Variants in ITCH observed in about 807,000 individuals in gnomAD.
ITCH encodes E3 ubiquitin-protein ligase Itchy homolog.
Under a neutral mutation model 126.8 loss-of-function variants are expected in ITCH, and 28 were observed. The ratio of observed to expected loss-of-function variants is 0.22; its 90% CI spans 0.16 to 0.30. ITCH has a LOEUF of 0.30. Among genes scored for constraint, ITCH ranks in the 10% least tolerant of loss-of-function variants. The pLI, the probability that ITCH is intolerant of heterozygous loss-of-function variation, is 1.00. For missense variants in ITCH, 631 were observed against 1,032.4 expected, an observed-to-expected ratio of 0.61 and a Z score of 5.33; for synonymous variants, 342 against 340.0, an observed-to-expected ratio of 1.01 and a Z score of -0.06.
chr20:34,392,839 G>A (rs1463087362), intron 2 of ITCH, among the ~76,000 whole-genome samples: 1 of 152,150 alleles, frequency 6.6e-6, no homozygotes, highest in East Asian at 1.9e-4. Flanking sequence ...AGTGGTCCCA[G>A]CTACTCAGGA....
In ITCH at chr20:34,394,690, T is replaced by C. The variant is rs374455598; in HGVS notation, c.70+809T>C. Among the ~76,000 whole-genome samples, 48 of 152,114 alleles carry C rather than the reference T, an allele frequency of 3.2e-4. No individual in the cohort carries two copies. The East Asian group carries it at 9.1e-3, about 29-fold the overall frequency. On this transcript the variant is annotated intron_variant, in intron 3 of 24. Transcript: ENST00000374864. ...AAGGCGTACATCTTATTAGCATGCA[T>C]GGGTAGGGGTGGGATGGATCACAGA...
At chr20:34,496,857 GC>G (rs540303563) in intron 23 of ITCH, among the ~76,000 whole-genome samples, 97 of 151,240 alleles carry the variant, frequency 6.4e-4, no homozygotes, top group Non-Finnish European at 1.3e-3. Context: ...TCAGACCTGT[GC>G]CCTGAAGCAT....
At position 34,510,157 on chromosome 20, in the gene ITCH, C is replaced by T. The variant is rs1978616647; in HGVS notation, c.*2363C>T. ...ATTTTTGCAGCCTGGGATCTCCCTA[C>T]TCCATTTTTTCCTTTAATTTAAGTG... On this transcript the variant is annotated 3_prime_UTR_variant, in exon 25 of 25. Coordinates refer to ENST00000374864, the MANE Select transcript of ITCH (RefSeq NM_031483.7). 1 of 152,568 alleles carries T rather than the reference C, an allele frequency of 6.6e-6. No homozygotes were observed. Among genetic ancestry groups the T allele is most frequent in the East Asian group, 1.9e-4 (1 of 5,204 alleles). The allele number at this position is 152,568 out of a possible 1,614,324, so 9.5% of individuals were successfully genotyped here. A position where few individuals can be genotyped will look rare whatever the true frequency, so the allele number is the denominator to read the frequency against.
At chr20:34,426,614 G>A (rs373009495) in intron 7 of ITCH, among the ~76,000 whole-genome samples, 5 of 148,960 alleles carry the variant, frequency 3.4e-5, no homozygotes, top group African/African-American at 4.9e-5. Flanking sequence ...CACCATGCCC[G>A]GCTGTTTGTA....
chr20:34,405,379 C>G (rs1354080674), intron 3 of ITCH, among the ~76,000 whole-genome samples: 1 of 152,086 alleles, frequency 6.6e-6, no homozygotes, highest in Non-Finnish European at 1.5e-5. Flanking sequence ...GCGGCGCGTG[C>G]CTATAACCCC....
At chr20:34,388,986 T>C (rs955887285) in intron 2 of ITCH, among the ~76,000 whole-genome samples, 1 of 152,200 alleles carries the variant, frequency 6.6e-6, no homozygotes, top group Non-Finnish European at 1.5e-5. Context: ...AGACCCATAA[T>C]ATAAATACAA....
chr20:34,507,504 G>A (rs1317447521), intron 24 of ITCH, among the ~76,000 whole-genome samples, 191 bp from the exon 25 acceptor site: 1 of 151,598 alleles, frequency 6.6e-6, no homozygotes, highest in Admixed American at 6.6e-5. Flanking sequence ...TTGGATACCA[G>A]TCCTTTATCA....
At chr20:34,415,241 C>G (rs1979661250) in intron 6 of ITCH, among the ~76,000 whole-genome samples, 1 of 152,094 alleles carries the variant, frequency 6.6e-6, no homozygotes, top group African/African-American at 2.4e-5. Context: ...TTCCTACTTC[C>G]TCTTTGACTC....
chr20:34,434,269 C>T (rs937632510), intron 7 of ITCH, among the ~76,000 whole-genome samples: 2 of 150,970 alleles, frequency 1.3e-5, no homozygotes, highest in Non-Finnish European at 3.0e-5. Flanking sequence ...GGTTGTGCCA[C>T]GGCACTCCAG....
In ITCH at chr20:34,510,038, T is replaced by G. The variant is rs996848672; in HGVS notation, c.*2244T>G. ...TTTTAAAATACAGAATAGTTATATT[T>G]GAAGTAGCCCTGGCCCTAGTTCTAT... On this transcript the variant is annotated 3_prime_UTR_variant, in exon 25 of 25. Transcript: ENST00000374864. 1 of 152,650 alleles carries G rather than the reference T, an allele frequency of 6.6e-6. No homozygotes were observed. The highest frequency in any genetic ancestry group is 2.4e-5 in the African/African-American group (1 of 41,454). 9.5% of individuals were successfully genotyped at this position (152,650 alleles called of 1,614,324 possible).
intron 12 of ITCH, among the ~76,000 whole-genome samples, chr20:34,451,643 C>T (rs138880679): frequency 6.6e-6 from 1 of 152,118 alleles, no homozygotes; most frequent in African/African-American, 2.4e-5. Flanking sequence ...AGATTGCATT[C>T]CCAGACATGG....
chr20:34,469,640 A>C (rs1338319665), intron 14 of ITCH, among the ~76,000 whole-genome samples: 1 of 152,136 alleles, frequency 6.6e-6, no homozygotes, highest in Non-Finnish European at 1.5e-5. Context: ...TTAGAGACTT[A>C]AGTCACATGG....
At chr20:34,412,927 G>A (rs1247291892) in intron 5 of ITCH, among the ~76,000 whole-genome samples, 1 of 151,250 alleles carries the variant, frequency 6.6e-6, no homozygotes, top group Non-Finnish European at 1.5e-5. Context: ...ATAGAGCAGA[G>A]ATGAAAGAAA....
At chr20:34,464,224 G>A (rs570042934) in intron 14 of ITCH, among the ~76,000 whole-genome samples, 30 of 149,914 alleles carry the variant, frequency 2.0e-4, no homozygotes, top group Admixed American at 2.7e-4. Context: ...TCCTGACCTC[G>A]TGATCCACCC....
chr20:34,377,238 G>T (rs1232414872), intron 2 of ITCH, among the ~76,000 whole-genome samples: 1 of 152,138 alleles, frequency 6.6e-6, no homozygotes, highest in Admixed American at 6.6e-5. Context: ...GCCGGGTGTG[G>T]TGTTACACTC....
intron 1 of ITCH, among the ~76,000 whole-genome samples, chr20:34,364,274 ATCT>A (rs1255189317): frequency 1.3e-5 from 2 of 152,098 alleles, no homozygotes; most frequent in East Asian, 3.9e-4. Flanking sequence ...TCGTATCCTA[ATCT>A]TATTACATTT....
chr20:34,455,469 T>A lies in ITCH; in HGVS notation c.1211-1921T>A, dbSNP rs900551964. 2.6e-5 allele frequency among the ~76,000 whole-genome samples: 4 copies of A among 151,518 alleles called. No individual in the cohort carries two copies. The East Asian group carries it at 7.7e-4, about 29-fold the overall frequency. ...TTGTTTACTAAAAGAGAAAATGATATCCACATTTTTTTTTTTTTTTTGAGA... is the reference window on the plus strand; with the variant it reads ...TTGTTTACTAAAAGAGAAAATGATAACCACATTTTTTTTTTTTTTTTGAGA... On this transcript the variant is annotated intron_variant, in intron 12 of 24. Coordinates refer to ENST00000374864, the MANE Select transcript of ITCH (RefSeq NM_031483.7).
intron 20 of ITCH, among the ~76,000 whole-genome samples, chr20:34,482,934 A>G (rs1014029008): frequency 3.9e-5 from 6 of 152,114 alleles, no homozygotes; most frequent in Admixed American, 1.3e-4. Context: ...CCAAGCCTCA[A>G]TTTTTGCCTT....
intron 2 of ITCH, among the ~76,000 whole-genome samples, chr20:34,386,960 A>C (rs2038305403): frequency 6.6e-6 from 1 of 152,246 alleles, no homozygotes; most frequent in African/African-American, 2.4e-5. Context: ...TATATTGGGC[A>C]TTCTATCTGT....
Sources: allele counts gnomAD v4.1 joint callset (sites outside exome capture counted in the v4.1 genomes callset), GRCh38; gene constraint gnomAD v4.1.1; transcripts MANE v1.5; gene names NCBI Gene and HGNC (gene_info 2026-07-23, HGNC 2026-07-21).